The following TACC1 variants were observed in gnomAD, a reference collection of about 807,000 sequenced individuals.
TACC1 encodes the protein transforming acidic coiled-coil containing protein 1.
A neutral mutation model predicts 84.4 loss-of-function variants in TACC1; 48 were observed. The observed-to-expected ratio is 0.57, with a 90% CI of 0.45 to 0.72. The LOEUF (loss-of-function observed/expected upper bound fraction) is 0.72. TACC1 is among the 30% of genes least tolerant of loss of function. The pLI, the probability that TACC1 is intolerant of heterozygous loss-of-function variation, is 0.00. For missense variants in TACC1, 920 were observed against 973.0 expected (o/e 0.95, Z 0.72); for synonymous variants, 372 against 376.3 (o/e 0.99, Z 0.13).
chr8:38,787,725 C>G lies in TACC1; in HGVS notation c.143C>G (p.Thr48Ser). 6.5e-7 allele frequency: 1 copy of G among 1,547,100 alleles called. No homozygotes were observed. The highest frequency in any genetic ancestry group is 8.7e-7 in the Non-Finnish European group (1 of 1,154,898). The stretch of plus-strand genomic sequence containing the variant: ...GAGGAGGAGGATTCGCAAGCCGAGA[C>G]CAAATCCTTGAGTTTCAGGCAAGTA... ...DPEEEDSQAE[T>S]KSLSFSSDSE... Residue 48 changes from threonine (T) to serine (S), a missense_variant, in exon 1 of 13, where the codon ACC (threonine) becomes AGC (serine). Thr to Ser is a moderately conservative substitution (Grantham distance 58). Transcript: ENST00000317827.
intron 3 of TACC1, among the ~76,000 whole-genome samples, chr8:38,762,328 T>C (rs1318500720): frequency 6.6e-6 from 1 of 152,216 alleles, no homozygotes; most frequent in Non-Finnish European, 1.5e-5. Flanking sequence ...TTTCCGTCTC[T>C]ACACATTTGA....
intron 3 of TACC1, among the ~76,000 whole-genome samples, chr8:38,750,828 A>G (rs1311478223): frequency 1.3e-5 from 2 of 152,244 alleles, no homozygotes; most frequent in African/African-American, 2.4e-5. Flanking sequence ...TCATGGATTC[A>G]AAGTCTCAAT....
chr8:38,746,659 T>C (rs1220280453), intron 3 of TACC1, among the ~76,000 whole-genome samples: 1 of 152,222 alleles, frequency 6.6e-6, no homozygotes, highest in Non-Finnish European at 1.5e-5. Context: ...TCCACTTGGC[T>C]GTTAACTCCA....
At chr8:38,769,965 G>T (rs1813241634) in intron 3 of TACC1, among the ~76,000 whole-genome samples, 1 of 151,182 alleles carries the variant, frequency 6.6e-6, no homozygotes, top group South Asian at 2.1e-4. Context: ...GTGTGAGAGA[G>T]AGTGGGTATG....
chr8:38,817,349 G>A (rs189362634), intron 2 of TACC1, among the ~76,000 whole-genome samples: 56 of 152,312 alleles, frequency 3.7e-4, no homozygotes, highest in African/African-American at 1.3e-3. Flanking sequence ...CACATACATG[G>A]ACAGAGATAA....
At chr8:38,758,204 C>T (rs1398289948) in intron 3 of TACC1, among the ~76,000 whole-genome samples, 4 of 152,074 alleles carry the variant, frequency 2.6e-5, no homozygotes, top group Non-Finnish European at 5.9e-5. Flanking sequence ...CAGCCCATGT[C>T]GAAGCTATTT....
At position 38,842,392 on chromosome 8, in the gene TACC1, CTGATCTCTTCAGGAGATATG is replaced by C; in HGVS notation, c.2067_2086del (p.Asp690GlufsTer13). The stretch of plus-strand genomic sequence containing the variant: ...CTTAACTCTGTGGAAAGGTCCCTTT[CTGATCTCTTCAGGAGATATG>C]AGAACCTGAAAGGTGTTCTGGAAGG... On this transcript the variant is annotated frameshift_variant, in exon 10 of 13. Coordinates refer to ENST00000317827, the MANE Select transcript of TACC1 (RefSeq NM_006283.3). LOFTEE classifies it high-confidence loss of function. 1 of 1,614,208 alleles carries C rather than the reference CTGATCTCTTCAGGAGATATG, an allele frequency of 6.2e-7. No individual in the cohort carries two copies. Among genetic ancestry groups the C allele is most frequent in the Non-Finnish European group, 8.5e-7 (1 of 1,180,030 alleles).
intron 3 of TACC1, among the ~76,000 whole-genome samples, chr8:38,771,971 C>T (rs1813708446): frequency 6.6e-6 from 1 of 151,638 alleles, no homozygotes; most frequent in African/African-American, 2.4e-5. Context: ...ACCACACATT[C>T]AGTACTGCTG....
intron 2 of TACC1, among the ~76,000 whole-genome samples, chr8:38,743,773 G>C (rs926082826): frequency 1.7e-4 from 26 of 152,192 alleles, no homozygotes; most frequent in Non-Finnish European, 3.2e-4. Context: ...TGTAGTCTCA[G>C]CTATTTGGGA....
chr8:38,756,898 G>A (rs571414133), intron 3 of TACC1, among the ~76,000 whole-genome samples: 1 of 152,312 alleles, frequency 6.6e-6, no homozygotes, highest in Non-Finnish European at 1.5e-5. Context: ...AGCAGCTCCC[G>A]GGGCCTCTTC....
At chr8:38,769,202 G>GA (rs1812932521) in intron 3 of TACC1, among the ~76,000 whole-genome samples, 1 of 149,084 alleles carries the variant, frequency 6.7e-6, no homozygotes. Context: ...TGTGGTGTGT[G>GA]TGATTGTGTG....
At chr8:38,769,282 A>C (rs539835996) in intron 3 of TACC1, among the ~76,000 whole-genome samples, 2 of 86,274 alleles carry the variant, frequency 2.3e-5, no homozygotes, top group Non-Finnish European at 4.4e-5. Flanking sequence ...TGTAGTGTGT[A>C]TATGTGTATG....
upstream of TACC1, among the ~76,000 whole-genome samples, chr8:38,784,996 C>G (rs778957529): frequency 2.0e-5 from 3 of 152,062 alleles, no homozygotes; most frequent in South Asian, 4.2e-4. Context: ...AGATCTAAGG[C>G]CACAGGAAGT....
intron 1 of TACC1, among the ~76,000 whole-genome samples, chr8:38,736,828 G>A (rs1806059059): frequency 6.6e-6 from 1 of 152,134 alleles, no homozygotes. Flanking sequence ...TGAGGATTCT[G>A]TTCAGCTCCA....
intron 2 of TACC1, chr8:38,805,618 T>C (rs1301736610): frequency 2.0e-5 from 3 of 152,348 alleles, no homozygotes; most frequent in Non-Finnish European, 2.9e-5. Flanking sequence ...GTTGTGCCTG[T>C]GCCCAGCACA....
At chr8:38,743,914 G>A (rs1166805411) in intron 2 of TACC1, 1 of 152,216 alleles carries the variant, frequency 6.6e-6, no homozygotes, top group Non-Finnish European at 1.5e-5. Context: ...AAGAATTCTG[G>A]GTGGGCAAGA....
At chr8:38,784,939 T>C (rs1467789853), upstream of TACC1, among the ~76,000 whole-genome samples, 1 of 152,196 alleles carries the variant, frequency 6.6e-6, no homozygotes, top group African/African-American at 2.4e-5. Flanking sequence ...TCCTGGTTTA[T>C]GCCTATAGTC....
intron 2 of TACC1, among the ~76,000 whole-genome samples, chr8:38,815,850 G>A (rs934065993): frequency 2.6e-4 from 40 of 151,950 alleles, no homozygotes; most frequent in African/African-American, 7.7e-4. Flanking sequence ...AAACTAAGCC[G>A]GATGTGGTGG....
chr8:38,817,919 TAA>T (rs60301511), intron 2 of TACC1, among the ~76,000 whole-genome samples: 8,048 of 47,900 alleles, frequency 0.17, 389 homozygotes, highest in Non-Finnish European at 0.21. Flanking sequence ...GAGAGACCCC[TAA>T]AAAAAAAAAA....
Sources: gnomAD v4.1 joint callset for allele counts (sites outside exome capture counted in the v4.1 genomes callset) on GRCh38, gnomAD v4.1.1 for gene constraint, MANE v1.5 for transcripts, NCBI Gene and HGNC (gene_info 2026-07-23, HGNC 2026-07-21) for gene names.